SLC4A4: variants seen among roughly 807,000 people sequenced by gnomAD.
The protein encoded by SLC4A4 is electrogenic sodium bicarbonate cotransporter 1.
A neutral mutation model predicts 111.5 loss-of-function variants in SLC4A4; 27 were observed. The observed-to-expected ratio is 0.24, with a 90% CI of 0.18 to 0.33. The LOEUF (loss-of-function observed/expected upper bound fraction) is 0.33, where lower values mean the gene tolerates loss of function less well. SLC4A4 is among the 10% of genes least tolerant of loss of function. The pLI is 1.00. For missense variants in SLC4A4, 909 were observed against 1,315.5 expected (o/e 0.69, Z 4.78); for synonymous variants, 443 against 463.4 (o/e 0.96, Z 0.57).
intron 2 of SLC4A4, among the ~76,000 whole-genome samples, chr4:71,246,239 A>T (rs1335120425): frequency 2.6e-5 from 4 of 152,214 alleles, no homozygotes. Context: ...TTAGTTCAAT[A>T]GGCTAGAGGA....
At chr4:71,280,069 C>G (rs927555311) in intron 3 of SLC4A4, among the ~76,000 whole-genome samples, 1 of 152,242 alleles carries the variant, frequency 6.6e-6, no homozygotes, top group African/African-American at 2.4e-5. Flanking sequence ...GCTGGGATCA[C>G]AGGTGTGAGC....
chr4:71,194,502 G>A (rs4694092), intron 1 of SLC4A4, among the ~76,000 whole-genome samples: 18,270 of 151,886 alleles, frequency 0.12, 1,792 homozygotes, highest in African/African-American at 0.25. Flanking sequence ...TTTTATTGCT[G>A]AAGCTGAGTT....
chr4:71,511,052 C>A (rs1284229037), intron 16 of SLC4A4, among the ~76,000 whole-genome samples: 1 of 152,012 alleles, frequency 6.6e-6, no homozygotes, highest in Non-Finnish European at 1.5e-5. Context: ...CAATGTATAT[C>A]TTTTAATGTT....
intron 16 of SLC4A4, among the ~76,000 whole-genome samples, chr4:71,505,138 C>T (rs1731292916): frequency 6.6e-6 from 1 of 152,058 alleles, no homozygotes; most frequent in Non-Finnish European, 1.5e-5. Context: ...GACTGATGGG[C>T]TTTTAGGTTG....
At chr4:71,293,939 C>T (rs1333811384) in intron 3 of SLC4A4, among the ~76,000 whole-genome samples, 1 of 152,136 alleles carries the variant, frequency 6.6e-6, no homozygotes, top group East Asian at 1.9e-4. Context: ...GTTTTCATAA[C>T]ATCAGTGAAG....
rs71673473 is a variant in SLC4A4, at chr4:71,366,315, TTGTGTGTGTGTG to T, written c.730+9158_730+9169del. On this transcript the variant is annotated intron_variant, in intron 6 of 25. Coordinates refer to ENST00000264485, the MANE Select transcript of SLC4A4 (RefSeq NM_001098484.3). Reference sequence around the variant, plus strand: ...AAAAAAAGCATTTTTTCTGGAGATATTGTGTGTGTGTGTGTGTGTGTGTGTGTGTGTGTGTGT... The same window carrying T: ...AAAAAAAGCATTTTTTCTGGAGATATTGTGTGTGTGTGTGTGTGTGTGTGT... 1.7e-4 allele frequency among the ~76,000 whole-genome samples: 23 copies of T among 138,006 alleles called. 1 individual carries two copies. The highest frequency in any genetic ancestry group is 1.2e-3 in the South Asian group (5 of 4,248). The allele number at this position is 138,006 out of a possible 152,430, so 90.5% of individuals were successfully genotyped here.
intron 3 of SLC4A4, among the ~76,000 whole-genome samples, chr4:71,275,293 A>AT (rs1174174593): frequency 3.2e-4 from 49 of 151,460 alleles, no homozygotes; most frequent in South Asian, 2.1e-3. Flanking sequence ...AGCAGAACAC[A>AT]TTTTTTTTTC....
chr4:71,202,194 T>C (rs1746286190), intron 1 of SLC4A4, among the ~76,000 whole-genome samples: 1 of 152,230 alleles, frequency 6.6e-6, no homozygotes, highest in Non-Finnish European at 1.5e-5. Context: ...GAATCATTCA[T>C]TTCCGTATTT....
intron 2 of SLC4A4, among the ~76,000 whole-genome samples, chr4:71,164,588 C>T (rs1405991877): frequency 1.3e-5 from 2 of 151,704 alleles, no homozygotes; most frequent in South Asian, 4.2e-4. Flanking sequence ...AGACCTAAAA[C>T]CATAAAAACA....
intron 3 of SLC4A4, among the ~76,000 whole-genome samples, chr4:71,296,817 T>G (rs1426004203): frequency 1.3e-5 from 2 of 152,208 alleles, no homozygotes; most frequent in Non-Finnish European, 2.9e-5. Context: ...GATCTGTCAT[T>G]TCACAGACAT....
At chr4:71,300,963 G>T in intron 3 of SLC4A4, 1 of 511,002 alleles carries the variant, frequency 2.0e-6, no homozygotes, top group South Asian at 1.5e-5. Context: ...GATCAGGGCT[G>T]ATCATGTGAA....
At chr4:71,339,116 C>A (rs1170577447) in intron 3 of SLC4A4, 3 of 1,606,438 alleles carry the variant, frequency 1.9e-6, no homozygotes, top group Non-Finnish European at 2.5e-6. Context: ...TGTGACACAT[C>A]ACACAGAATT....
At chr4:71,191,508 G>A (rs1016061191) in intron 1 of SLC4A4, among the ~76,000 whole-genome samples, 1 of 152,146 alleles carries the variant, frequency 6.6e-6, no homozygotes, top group African/African-American at 2.4e-5. Flanking sequence ...CATGTTTGTC[G>A]AATGACTGTC....
At chr4:71,426,549 C>G (rs1185106034) in intron 7 of SLC4A4, among the ~76,000 whole-genome samples, 1 of 152,088 alleles carries the variant, frequency 6.6e-6, no homozygotes, top group Non-Finnish European at 1.5e-5. Flanking sequence ...ATCATGCTCT[C>G]AGATTTCCAG....
intron 18 of SLC4A4, among the ~76,000 whole-genome samples, chr4:71,537,324 T>TGTAC (rs1553928858): frequency 7.3e-6 from 1 of 136,244 alleles, no homozygotes; most frequent in Non-Finnish European, 1.6e-5. Context: ...TATGTCTACA[T>TGTAC]ATATGTGTGT....
Position 71,303,845 on chromosome 4 carries a change from T to G in SLC4A4, c.254-35525T>G, listed in dbSNP as rs191800751. Among the ~76,000 whole-genome samples, 177 of 151,730 alleles carry G rather than the reference T, an allele frequency of 1.2e-3. 1 individual carries two copies. The South Asian group carries it at 0.013, about 11-fold the overall frequency. ...TCCTTTCTTCTCTGTATTTAAGTAC[T>G]TGCAATAAAAACACTGACACTTGCC... On this transcript the variant is annotated intron_variant, in intron 3 of 25. Coordinates refer to ENST00000264485, the MANE Select transcript of SLC4A4 (RefSeq NM_001098484.3).
intron 7 of SLC4A4, among the ~76,000 whole-genome samples, chr4:71,429,858 G>A (rs1469590975): frequency 6.6e-6 from 1 of 152,098 alleles, no homozygotes; most frequent in African/African-American, 2.4e-5. Flanking sequence ...TGATATGAAA[G>A]CCGTATATTC....
intron 21 of SLC4A4, 128 bp downstream of exon 21, chr4:71,555,336 C>G: frequency 1.1e-5 from 8 of 761,462 alleles, no homozygotes; most frequent in Non-Finnish European, 1.9e-5. Flanking sequence ...CATTTATTTT[C>G]TACTTCACCA....
chr4:71,222,643 T>G (rs993021179), intron 1 of SLC4A4, among the ~76,000 whole-genome samples: 2 of 152,230 alleles, frequency 1.3e-5, no homozygotes, highest in African/African-American at 4.8e-5. Flanking sequence ...AGAGATTTCT[T>G]GGGAAAAATG....
Sources: gnomAD v4.1 joint callset for allele counts (sites outside exome capture counted in the v4.1 genomes callset) on GRCh38, gnomAD v4.1.1 for gene constraint, MANE v1.5 for transcripts, NCBI Gene and HGNC (gene_info 2026-07-23, HGNC 2026-07-21) for gene names.